Variants in LRRC7 observed in about 807,000 individuals in gnomAD.
LRRC7 encodes leucine-rich repeat-containing protein 7.
In LRRC7, 23 loss-of-function variants were observed where a neutral mutation model predicts 175.7. The ratio of observed to expected loss-of-function variants is 0.13; its 90% confidence interval spans 0.09 to 0.19. The LOEUF (loss-of-function observed/expected upper bound fraction) is 0.19. Among genes scored for constraint, LRRC7 ranks in the 10% least tolerant of loss-of-function variants. The pLI is 1.00. For synonymous variants in LRRC7, 685 were observed against 680.9 expected (o/e 1.01, Z -0.09); for missense variants, 1,354 against 1,904.7 (o/e 0.71, Z 5.38).
intron 7 of LRRC7, among the ~76,000 whole-genome samples, chr1:69,842,745 G>C (rs1458812857): frequency 6.6e-6 from 1 of 152,150 alleles, no homozygotes; most frequent in Non-Finnish European, 1.5e-5. Context: ...TGACCCTTCT[G>C]AGAATCTGAA....
chr1:70,091,693 A>C (rs1259540027), intron 25 of LRRC7, among the ~76,000 whole-genome samples: 1 of 152,156 alleles, frequency 6.6e-6, no homozygotes, highest in Non-Finnish European at 1.5e-5. Context: ...CTATTCATTT[A>C]ATTTCTCATT....
intron 2 of LRRC7, among the ~76,000 whole-genome samples, chr1:69,697,921 G>C (rs1050546894): frequency 6.6e-6 from 1 of 152,150 alleles, no homozygotes; most frequent in East Asian, 1.9e-4. Flanking sequence ...GGCCTTGGAG[G>C]CAAAACCAAA....
chr1:69,749,284 G>C (rs1329353046), intron 2 of LRRC7, among the ~76,000 whole-genome samples: 1 of 152,128 alleles, frequency 6.6e-6, no homozygotes, highest in Admixed American at 6.6e-5. Context: ...CTTCTCTCAA[G>C]GAATTGCTTC....
intron 24 of LRRC7, among the ~76,000 whole-genome samples, chr1:70,086,494 C>CT (rs1365441291): frequency 6.6e-6 from 1 of 152,076 alleles, no homozygotes; most frequent in Non-Finnish European, 1.5e-5. Context: ...TAAAAGAAAA[C>CT]TGAGTCTGGC....
At chr1:69,706,380 A>C (rs1281207537) in intron 2 of LRRC7, among the ~76,000 whole-genome samples, 1 of 152,164 alleles carries the variant, frequency 6.6e-6, no homozygotes, top group Admixed American at 6.6e-5. Flanking sequence ...AACAGAGTCT[A>C]GCATTCGTCA....
intron 11 of LRRC7, among the ~76,000 whole-genome samples, chr1:70,010,344 T>C (rs923765327): frequency 2.0e-5 from 3 of 152,164 alleles, no homozygotes; most frequent in Admixed American, 2.0e-4. Flanking sequence ...GGAAGGTAGA[T>C]TACTTGAGGT....
At position 69,781,913 on chromosome 1, in the gene LRRC7, GAAGAAAGA is replaced by G. The variant is rs760972258; in HGVS notation, c.304-10109_304-10102del. On this transcript the variant is annotated intron_variant, in intron 3 of 26. Coordinates refer to ENST00000651989, the MANE Select transcript of LRRC7 (RefSeq NM_001370785.2). ...AGGAAGGAAGGGAAAGAAAGAAAAAGAAGAAAGAAAGAAAGAAAGAAAGAAAGAGAAAA... is the reference window on the plus strand; with the variant it reads ...AGGAAGGAAGGGAAAGAAAGAAAAAGAAGAAAGAAAGAAAGAAAGAGAAAA... Among the ~76,000 whole-genome samples the G allele has an allele frequency of 5.0e-4, 34 of 68,070 alleles. 1 individual carries two copies. Among genetic ancestry groups the G allele is most frequent in the Non-Finnish European group, 6.4e-4 (22 of 34,570 alleles). The allele number at this position is 68,070 out of a possible 152,430, so 44.7% of individuals were successfully genotyped here.
intron 8 of LRRC7, among the ~76,000 whole-genome samples, chr1:69,947,641 T>A (rs1649478283): frequency 6.6e-6 from 1 of 152,046 alleles, no homozygotes; most frequent in Non-Finnish European, 1.5e-5. Context: ...TTATATACTG[T>A]TGCCTTTTCA....
chr1:69,727,000 G>A (rs980027237), intron 2 of LRRC7, among the ~76,000 whole-genome samples: 1 of 152,148 alleles, frequency 6.6e-6, no homozygotes, highest in Non-Finnish European at 1.5e-5. Flanking sequence ...GTGGTTCTGG[G>A]TAGAGAGAGA....
chr1:69,911,590 T>A (rs974035626), intron 7 of LRRC7, among the ~76,000 whole-genome samples: 8 of 152,176 alleles, frequency 5.3e-5, no homozygotes, highest in Admixed American at 3.9e-4. Flanking sequence ...CACAATCTCC[T>A]CCAGCAGAGT....
At position 70,142,326 on chromosome 1, in the gene LRRC7, GT is replaced by G. The variant is rs1393861008; in HGVS notation, c.*20440del. On this transcript the variant is annotated 3_prime_UTR_variant, in exon 27 of 27. Coordinates refer to ENST00000651989, the MANE Select transcript of LRRC7 (RefSeq NM_001370785.2). ...TTAGCTTTGATGACACCTAGCGTCA[GT>G]GGAATGCAATGAATGCTTAATACTT... 1 of 152,140 alleles carries G rather than the reference GT, an allele frequency of 6.6e-6. No homozygotes were observed. Among genetic ancestry groups the G allele is most frequent in the Non-Finnish European group, 1.5e-5 (1 of 67,992 alleles). The allele number at this position is 152,140 out of a possible 1,614,324, so 9.4% of individuals were successfully genotyped here.
chr1:70,008,720 A>G (rs558192149), intron 11 of LRRC7, among the ~76,000 whole-genome samples: 1 of 152,302 alleles, frequency 6.6e-6, no homozygotes, highest in African/African-American at 2.4e-5. Context: ...AGCATTATCC[A>G]ATAGTTGTAG....
intron 1 of LRRC7, among the ~76,000 whole-genome samples, chr1:69,662,509 C>A (rs188919834): frequency 2.0e-5 from 3 of 152,286 alleles, no homozygotes; most frequent in Admixed American, 2.0e-4. Flanking sequence ...ATCATTGCTG[C>A]CCTTACAAAT....
chr1:70,082,089 C>A (rs1253571727), intron 24 of LRRC7, among the ~76,000 whole-genome samples: 1 of 152,136 alleles, frequency 6.6e-6, no homozygotes, highest in Non-Finnish European at 1.5e-5. Flanking sequence ...TCAGACTTCT[C>A]TTTAGATTAG....
At chr1:69,929,704 CCT>C (rs1647211135) in intron 7 of LRRC7, among the ~76,000 whole-genome samples, 1 of 152,108 alleles carries the variant, frequency 6.6e-6, no homozygotes, top group Admixed American at 6.5e-5. Context: ...CTGTTGTCCC[CCT>C]CAGTCTGTTT....
intron 6 of LRRC7, 116 bp from the exon 7 acceptor site, chr1:69,838,111 A>C: frequency 1.7e-6 from 1 of 604,816 alleles, no homozygotes; most frequent in Non-Finnish European, 2.9e-6. Flanking sequence ...AGTTATTTTT[A>C]AATATACATT....
Position 69,717,844 on chromosome 1 carries a change from A to AG in LRRC7, c.100+39367dup, listed in dbSNP as rs1557641444. 2.3e-3 allele frequency among the ~76,000 whole-genome samples: 102 copies of AG among 44,494 alleles called. 2 individuals carry two copies. The East Asian group carries it at 0.03, about 13-fold the overall frequency. 29.2% of individuals were successfully genotyped at this position (44,494 alleles called of 152,430 possible). A position where few individuals can be genotyped will look rare whatever the true frequency, so the allele number is the denominator to read the frequency against. On this transcript the variant is annotated intron_variant, in intron 2 of 26. Transcript: ENST00000651989. ...AAAGAAAGAAAGAAAGAAAGAAAAA[A>AG]GAAAGAAAGGAAAGAAAGAAAGAAA...
chr1:69,916,061 A>T (rs1340339693), intron 7 of LRRC7, among the ~76,000 whole-genome samples: 1 of 141,348 alleles, frequency 7.1e-6, no homozygotes, highest in Non-Finnish European at 1.5e-5. Context: ...TTTTATATGT[A>T]TATTTTATAT....
At chr1:69,850,475 A>C (rs927087731) in intron 7 of LRRC7, among the ~76,000 whole-genome samples, 1 of 152,038 alleles carries the variant, frequency 6.6e-6, no homozygotes, top group African/African-American at 2.4e-5. Flanking sequence ...TTCTCTAGAG[A>C]GAAGGGATTT....
Sources: allele counts gnomAD v4.1 joint callset (sites outside exome capture counted in the v4.1 genomes callset), GRCh38; gene constraint gnomAD v4.1.1; transcripts MANE v1.5; gene names NCBI Gene and HGNC (gene_info 2026-07-23, HGNC 2026-07-21).